Variants in TBCK observed in about 807,000 individuals in gnomAD.
The protein encoded by TBCK is TBC1 domain containing kinase.
A neutral mutation model predicts 113.4 loss-of-function variants in TBCK; 99 were observed. The observed-to-expected ratio is 0.87, with a 90% CI of 0.74 to 1.03. The LOEUF is 1.03. TBCK is among the 50% of genes least tolerant of loss of function. TBCK has a pLI of 0.00. For synonymous variants in TBCK, 369 were observed against 370.8 expected, an observed-to-expected ratio of 1.00 and a Z score of 0.05; for missense variants, 1,045 against 1,061.3, an observed-to-expected ratio of 0.98 and a Z score of 0.21.
chr4:106,171,376 T>C (rs945574134), intron 22 of TBCK, 106 bp from the exon 23 acceptor site: 2 of 786,958 alleles, frequency 2.5e-6, no homozygotes, highest in Admixed American at 3.4e-5. Context: ...ATGGCTAAGA[T>C]GATAAGTTAT....
Position 106,116,219 on chromosome 4 carries a change from T to C in TBCK, c.2395A>G (p.Ile799Val). 6.2e-7 allele frequency: 1 copy of C among 1,614,016 alleles called. No individual in the cohort carries two copies. The highest frequency in any genetic ancestry group is 8.5e-7 in the Non-Finnish European group (1 of 1,179,972). Residue 799 changes from isoleucine (I) to valine (V), a missense_variant, in exon 24 of 26, where the codon ATC becomes GTC. Ile to Val is a conservative substitution (Grantham distance 29). Coordinates refer to ENST00000394708, the MANE Select transcript of TBCK (RefSeq NM_001163435.3). ...SSKPKLLVVD[I>V]RNSEDFIRGH... is the part of the protein sequence containing the mutation. ...AAAGGATACTCTTCACTATTCCGGA[T>C]GTCAACCACCAGGAGCTTTGGTTTA...
chr4:106,167,602 A>C (rs969408077), intron 23 of TBCK, among the ~76,000 whole-genome samples: 9 of 151,672 alleles, frequency 5.9e-5, no homozygotes, highest in Admixed American at 3.9e-4. Flanking sequence ...CCTTGCAAAG[A>C]TGAATAAAAT....
chr4:106,135,129 A>G (rs1267609503), intron 23 of TBCK, among the ~76,000 whole-genome samples: 1 of 152,146 alleles, frequency 6.6e-6, no homozygotes, highest in African/African-American at 2.4e-5. Flanking sequence ...AGAAAGATGA[A>G]ATATCATTTC....
chr4:106,199,216 G>A (rs1754601109), intron 20 of TBCK, among the ~76,000 whole-genome samples: 1 of 151,992 alleles, frequency 6.6e-6, no homozygotes, highest in Non-Finnish European at 1.5e-5. Context: ...TAAATCTAAT[G>A]GCCAATTCTC....
chr4:106,259,216 T>C (rs1762276781), intron 5 of TBCK, among the ~76,000 whole-genome samples: 1 of 151,780 alleles, frequency 6.6e-6, no homozygotes, highest in Admixed American at 6.6e-5. Flanking sequence ...AAACCTGTAA[T>C]TTGAGTTATA....
In TBCK at chr4:106,046,334, TATATG is replaced by T. The variant is rs1734213329; in HGVS notation, c.*231_*235del. ...GCTTTATGTGGCAGTGTGGTAAAAATATATGATCAGATTTCACTGTTAAGAAAATT... is the reference window on the plus strand; with the variant it reads ...GCTTTATGTGGCAGTGTGGTAAAAATATCAGATTTCACTGTTAAGAAAATT... On this transcript the variant is annotated 3_prime_UTR_variant, in exon 26 of 26. Transcript: ENST00000394708. The T allele has an allele frequency of 5.4e-6, 2 of 370,626 alleles. No homozygotes were observed. Among genetic ancestry groups the T allele is most frequent in the Non-Finnish European group, 9.8e-6 (2 of 205,034 alleles). The allele number at this position is 370,626 out of a possible 1,614,324, so 23.0% of individuals were successfully genotyped here.
chr4:106,150,373 G>C (rs956778941), intron 23 of TBCK, among the ~76,000 whole-genome samples: 10 of 152,050 alleles, frequency 6.6e-5, no homozygotes, highest in Non-Finnish European at 1.3e-4. Flanking sequence ...TGAGTTGTGA[G>C]AACCCTGTAT....
chr4:106,229,828 A>G (rs4374692), intron 19 of TBCK, among the ~76,000 whole-genome samples: 90,518 of 151,580 alleles, frequency 0.6, 27,332 homozygotes, highest in Non-Finnish European at 0.64. Flanking sequence ...TCAGGAAATT[A>G]TAGTACAAGT....
In TBCK at chr4:106,134,163, A is replaced by G. The variant is rs915862648; in HGVS notation, c.2236-17785T>C. Among the ~76,000 whole-genome samples, 9 of 152,154 alleles carry G rather than the reference A, an allele frequency of 5.9e-5. No individual in the cohort carries two copies. In the East Asian group the frequency reaches 1.7e-3, roughly 29 times the overall value. On this transcript the variant is annotated intron_variant, in intron 23 of 25. Transcript: ENST00000394708. ...CTTTTTGTTTTGAGGACAATGTATA[A>G]AAGTAAAACTCTGAGATTTTTTTTT...
intron 24 of TBCK, among the ~76,000 whole-genome samples, chr4:106,100,480 C>A (rs1020690182): frequency 6.6e-6 from 1 of 152,150 alleles, no homozygotes; most frequent in African/African-American, 2.4e-5. Context: ...AAAGTAATTT[C>A]TCTCAATCTT....
At chr4:106,070,070 T>A (rs11930107) in intron 25 of TBCK, among the ~76,000 whole-genome samples, 48,061 of 150,754 alleles carry the variant, frequency 0.32, 7,846 homozygotes, top group African/African-American at 0.36. Flanking sequence ...TAAATATACA[T>A]TCATGTCATC....
In TBCK at chr4:106,044,495, T is replaced by C. The variant is rs1734045136; in HGVS notation, c.*2075A>G. On this transcript the variant is annotated 3_prime_UTR_variant, in exon 26 of 26. Transcript: ENST00000394708. ...ATTATATTAGTGTCTTAGAAATACA[T>C]AGTAGGTATTCAAAACATATTTGGT... The C allele has an allele frequency of 6.6e-6, 1 of 152,150 alleles. No homozygotes were observed. The allele number at this position is 152,150 out of a possible 1,614,324, so 9.4% of individuals were successfully genotyped here. A position where few individuals can be genotyped will look rare whatever the true frequency, so the allele number is the denominator to read the frequency against.
chr4:106,128,119 T>G (rs543519255), intron 23 of TBCK, among the ~76,000 whole-genome samples: 2 of 152,178 alleles, frequency 1.3e-5, no homozygotes, highest in Non-Finnish European at 2.9e-5. Flanking sequence ...TGAAAGATGA[T>G]TCAATATTAG....
chr4:106,275,708 T>C (rs990906607), intron 3 of TBCK, among the ~76,000 whole-genome samples: 1 of 152,128 alleles, frequency 6.6e-6, no homozygotes, highest in African/African-American at 2.4e-5. Context: ...AAAAAATTTT[T>C]AAAAAGTAAA....
intron 5 of TBCK, among the ~76,000 whole-genome samples, chr4:106,252,563 G>A (rs924689528): frequency 6.6e-6 from 1 of 151,936 alleles, no homozygotes; most frequent in Non-Finnish European, 1.5e-5. Flanking sequence ...CACTTAAAGT[G>A]TATTTTAGAG....
chr4:106,098,723 A>G lies in TBCK; in HGVS notation c.2412-3082T>C, dbSNP rs552574539. ...TATGGTTGTTTACTATGCTGAATGC[A>G]CTACAGGATATATTCCAGTAAACAT... On this transcript the variant is annotated intron_variant, in intron 24 of 25. Coordinates refer to ENST00000394708, the MANE Select transcript of TBCK (RefSeq NM_001163435.3). 3.9e-5 allele frequency among the ~76,000 whole-genome samples: 6 copies of G among 152,222 alleles called. No individual in the cohort carries two copies. The South Asian group carries it at 1.2e-3, about 32-fold the overall frequency.
intron 24 of TBCK, among the ~76,000 whole-genome samples, chr4:106,106,311 C>T (rs116310794): frequency 0.01 from 1,537 of 152,148 alleles, 21 homozygotes; most frequent in African/African-American, 0.035. Context: ...CAAGATTCTA[C>T]GCAAGATCAT....
chr4:106,141,968 T>C lies in TBCK; in HGVS notation c.2236-25590A>G, dbSNP rs947858836. On this transcript the variant is annotated intron_variant, in intron 23 of 25. Transcript: ENST00000394708. ...AAAAGTAATAAACTAAGAAATATCA[T>C]TTTAACCGAAAAAAGGACAAAGAAA... 2.4e-4 allele frequency among the ~76,000 whole-genome samples: 34 copies of C among 141,328 alleles called. 3 individuals are homozygous for C. Among genetic ancestry groups the C allele is most frequent in the African/African-American group, 8.5e-4 (34 of 40,022 alleles). The allele number at this position is 141,328 out of a possible 152,430, so 92.7% of individuals were successfully genotyped here. A position where few individuals can be genotyped will look rare whatever the true frequency, so the allele number is the denominator to read the frequency against.
intron 22 of TBCK, chr4:106,182,384 G>T (rs1053376534): frequency 2.8e-4 from 43 of 152,148 alleles, no homozygotes; most frequent in Admixed American, 2.2e-3. Context: ...TGACTGCCCT[G>T]GCCAGAAAGT....
Sources: gnomAD v4.1 joint callset for allele counts (sites outside exome capture counted in the v4.1 genomes callset) on GRCh38, gnomAD v4.1.1 for gene constraint, MANE v1.5 for transcripts, NCBI Gene and HGNC (gene_info 2026-07-23, HGNC 2026-07-21) for gene names.